ARSG: variants seen among roughly 807,000 people sequenced by gnomAD.
ARSG encodes arylsulfatase G, also known as ASG.
A neutral mutation model predicts 50.5 loss-of-function variants in ARSG; 37 were observed. That is an observed-to-expected ratio of 0.73 (90% CI 0.56 to 0.96). The LOEUF is 0.96. Ranked by LOEUF, ARSG falls within the 50% of genes least tolerant of loss-of-function variation. The pLI is 0.00. For missense variants in ARSG, 629 were observed against 675.3 expected, an observed-to-expected ratio of 0.93 and a Z score of 0.76; for synonymous variants, 225 against 254.6, an observed-to-expected ratio of 0.88 and a Z score of 1.11.
rs2078460721 is a variant in ARSG, at chr17:68,345,481, G to C, written c.407-1644G>C. 3.3e-5 allele frequency among the ~76,000 whole-genome samples: 5 copies of C among 152,324 alleles called. No individual in the cohort carries two copies. The South Asian group carries it at 1.0e-3, about 32-fold the overall frequency. On this transcript the variant is annotated intron_variant, in intron 3 of 11. Coordinates refer to ENST00000621439, the MANE Select transcript of ARSG (RefSeq NM_001267727.2). ...AACTCCCAGTAAGCAACTGTTTGCAGCTTGACTGTTTAGCTGCATTCCTCA... is the reference window on the plus strand; with the variant it reads ...AACTCCCAGTAAGCAACTGTTTGCACCTTGACTGTTTAGCTGCATTCCTCA...
chr17:68,352,803 C>T (rs932551478), intron 5 of ARSG, among the ~76,000 whole-genome samples: 1 of 152,094 alleles, frequency 6.6e-6, no homozygotes. Flanking sequence ...AGTCACCGCA[C>T]CCAGCGGTGA....
rs1273041666 is a variant in ARSG, at chr17:68,378,041, C to G, written c.983-7023C>G. On this transcript the variant is annotated intron_variant, in intron 8 of 11. Coordinates refer to ENST00000621439, the MANE Select transcript of ARSG (RefSeq NM_001267727.2). This position sits in a 1 kb window ranked among gnomAD's most constrained non-coding sequence, Gnocchi z 4.4. ...TCCTGTCAACTAACTATTCCACAGCCTCCTTCTTCCTCTCTGCCTGGAATG... is the reference window on the plus strand; with the variant it reads ...TCCTGTCAACTAACTATTCCACAGCGTCCTTCTTCCTCTCTGCCTGGAATG... 6.6e-6 allele frequency among the ~76,000 whole-genome samples: 1 copy of G among 152,298 alleles called. No individual in the cohort carries two copies. The highest frequency in any genetic ancestry group is 1.5e-5 in the Non-Finnish European group (1 of 68,032).
chr17:68,310,644 C>CG (rs2076815495), intron 2 of ARSG, among the ~76,000 whole-genome samples: 1 of 152,132 alleles, frequency 6.6e-6, no homozygotes, highest in African/African-American at 2.4e-5. Flanking sequence ...CCATGTGGTT[C>CG]GGGGGGAATC....
At chr17:68,362,698 G>C (rs1291628119) in intron 6 of ARSG, among the ~76,000 whole-genome samples, 1 of 152,196 alleles carries the variant, frequency 6.6e-6, no homozygotes, top group Admixed American at 6.5e-5. Flanking sequence ...CCTCCCATGA[G>C]TATTTCCTTT....
At chr17:68,300,993 C>A (rs544818128) in intron 1 of ARSG, among the ~76,000 whole-genome samples, 1 of 151,998 alleles carries the variant, frequency 6.6e-6, no homozygotes, top group South Asian at 2.1e-4. Context: ...TGGCGGGCGC[C>A]TGTAGTCCCA....
chr17:68,317,724 A>G (rs2077123093), intron 2 of ARSG, among the ~76,000 whole-genome samples: 10 of 152,212 alleles, frequency 6.6e-5, no homozygotes. Context: ...CAGTTTAAAA[A>G]TGATAAGATA....
intron 2 of ARSG, among the ~76,000 whole-genome samples, chr17:68,316,600 C>T (rs1178582497): frequency 2.0e-5 from 3 of 152,180 alleles, no homozygotes; most frequent in East Asian, 3.8e-4. Flanking sequence ...AGCTCTGGGA[C>T]ACTGTGCTAG....
At chr17:68,364,560 A>G (rs1049866419) in intron 6 of ARSG, among the ~76,000 whole-genome samples, 15 of 152,170 alleles carry the variant, frequency 9.9e-5, no homozygotes, top group Non-Finnish European at 1.9e-4. Flanking sequence ...GGGTTTCACC[A>G]TGTTGGCCAG....
chr17:68,326,963 C>T (rs2077529803), intron 2 of ARSG, among the ~76,000 whole-genome samples: 1 of 152,138 alleles, frequency 6.6e-6, no homozygotes, highest in Admixed American at 6.5e-5. Context: ...TAGCAATAGT[C>T]AGTGCTCAGA....
intron 2 of ARSG, among the ~76,000 whole-genome samples, chr17:68,336,317 C>T (rs759063090): frequency 4.0e-5 from 6 of 151,652 alleles, no homozygotes; most frequent in Non-Finnish European, 8.8e-5. Context: ...TCAAGCGGTT[C>T]TCCTGCCTCA....
intron 6 of ARSG, among the ~76,000 whole-genome samples, chr17:68,361,652 G>A (rs1003593097): frequency 6.6e-6 from 1 of 152,100 alleles, no homozygotes; most frequent in Non-Finnish European, 1.5e-5. Context: ...GGTGGCTCAC[G>A]CCTGTAATCC....
intron 1 of ARSG, among the ~76,000 whole-genome samples, chr17:68,275,666 T>G (rs1301823710): frequency 6.6e-6 from 1 of 152,140 alleles, no homozygotes; most frequent in East Asian, 1.9e-4. Context: ...AGAAGGTAAT[T>G]AAGCATTCCA....
intron 1 of ARSG, among the ~76,000 whole-genome samples, chr17:68,300,177 C>T (rs547162412): frequency 1.4e-4 from 22 of 152,182 alleles, no homozygotes; most frequent in East Asian, 1.9e-4. Context: ...AACCCCTGGC[C>T]GCAGGTGATC....
rs1437925616 is a variant in ARSG at position 68,378,893 on chromosome 17, A to G, written c.983-6171A>G. ...TGCATAACCTTTCCCGCTGGGAAGC[A>G]GTCTCTGCATCCTGGGCCTTCTGTC... On this transcript the variant is annotated intron_variant, in intron 8 of 11. Transcript: ENST00000621439. The surrounding 1 kb of genome is among the most constrained non-coding windows in gnomAD (Gnocchi z 4.4). 1.6e-5 allele frequency among the ~76,000 whole-genome samples: 2 copies of G among 128,998 alleles called. No homozygotes were observed. Among genetic ancestry groups the G allele is most frequent in the Non-Finnish European group, 3.2e-5 (2 of 62,904 alleles). 84.6% of individuals were successfully genotyped at this position (128,998 alleles called of 152,430 possible). A position where few individuals can be genotyped will look rare whatever the true frequency, so the allele number is the denominator to read the frequency against.
intron 1 of ARSG, chr17:68,268,978 T>C: frequency 6.6e-7 from 1 of 1,525,778 alleles, no homozygotes; most frequent in Non-Finnish European, 8.8e-7. Context: ...ACATTCCCTT[T>C]AAAATGTAGT....
intron 1 of ARSG, among the ~76,000 whole-genome samples, chr17:68,297,532 TAACA>T (rs2076249359): frequency 6.6e-6 from 1 of 152,260 alleles, no homozygotes; most frequent in African/African-American, 2.4e-5. Flanking sequence ...AGAGCTTGCT[TAACA>T]AACAATTCTG....
Position 68,271,584 on chromosome 17 carries a change from G to A in ARSG, c.-552+12158G>A. On this transcript the variant is annotated intron_variant, in intron 1 of 11. Transcript: ENST00000448504. This position sits in a 1 kb window ranked among gnomAD's most constrained non-coding sequence, Gnocchi z 5.3. ...TGAGCAGTGCTCCGAAGATGACAAT[G>A]TTTAACTGTAGTAGGCCCACGAAGA... The A allele has an allele frequency of 1.2e-6, 2 of 1,614,212 alleles. No homozygotes were observed. Among genetic ancestry groups the A allele is most frequent in the Non-Finnish European group, 1.7e-6 (2 of 1,180,028 alleles).
At chr17:68,398,457 G>A (rs984628715) in intron 10 of ARSG, among the ~76,000 whole-genome samples, 1 of 152,174 alleles carries the variant, frequency 6.6e-6, no homozygotes, top group Admixed American at 6.5e-5. Flanking sequence ...GCATATGTCT[G>A]TAACATATGC....
At chr17:68,306,442 A>G (rs1257247486) in intron 1 of ARSG, among the ~76,000 whole-genome samples, 1 of 152,178 alleles carries the variant, frequency 6.6e-6, no homozygotes, top group Non-Finnish European at 1.5e-5. Context: ...CTGTAATCCC[A>G]GCTATGTGGG....
Sources: gnomAD v4.1 joint callset for allele counts (sites outside exome capture counted in the v4.1 genomes callset) on GRCh38, gnomAD v4.1.1 for gene constraint, Gnocchi (gnomAD v3.1) non-coding constraint, MANE v1.5 for transcripts, NCBI Gene and HGNC (gene_info 2026-07-23, HGNC 2026-07-21) for gene names.